The following SHOC1 variants were observed in gnomAD, a reference collection of about 807,000 sequenced individuals.
SHOC1 encodes protein shortage in chiasmata 1 ortholog.
A neutral mutation model predicts 179.2 loss-of-function variants in SHOC1; 136 were observed. The observed-to-expected ratio is 0.76, with a 90% CI of 0.66 to 0.87. The LOEUF (loss-of-function observed/expected upper bound fraction) is 0.87, where lower values mean the gene tolerates loss of function less well. SHOC1 is among the 40% of genes least tolerant of loss of function. The pLI is 0.00. For missense variants in SHOC1, 1,538 were observed against 1,700.8 expected (o/e 0.90, Z 1.68); for synonymous variants, 489 against 586.6 (o/e 0.83, Z 2.41).
At chr9:111,773,054 C>A (rs556510839) in intron 5 of SHOC1, among the ~76,000 whole-genome samples, 5 of 152,028 alleles carry the variant, frequency 3.3e-5, no homozygotes, top group Admixed American at 2.0e-4. Context: ...ATTCTCCTAC[C>A]GTCTGCTTGA....
chr9:111,791,331 T>A, intron 2 of SHOC1, 43 bp downstream of exon 2: 6 of 1,182,568 alleles, frequency 5.1e-6, no homozygotes, highest in Non-Finnish European at 6.9e-6. Context: ...ACTTCTTACA[T>A]CATAATTCTC....
intron 11 of SHOC1, among the ~76,000 whole-genome samples, chr9:111,740,498 A>T (rs1326810193): frequency 6.6e-6 from 1 of 152,254 alleles, no homozygotes; most frequent in Non-Finnish European, 1.5e-5. Flanking sequence ...TAACTTACTC[A>T]GATAAATTTT....
intron 11 of SHOC1, among the ~76,000 whole-genome samples, chr9:111,740,440 C>T (rs1833982384): frequency 1.3e-5 from 2 of 152,146 alleles, no homozygotes; most frequent in African/African-American, 2.4e-5. Context: ...AATACCTTAT[C>T]CAAAGTTCCA....
chr9:111,794,182 G>T (rs1183013641), intron 1 of SHOC1, among the ~76,000 whole-genome samples: 1 of 151,550 alleles, frequency 6.6e-6, no homozygotes, highest in African/African-American at 2.4e-5. Context: ...ACTCACAGGT[G>T]AGTGTGAATC....
At chr9:111,696,546 T>C (rs1275006732) in intron 24 of SHOC1, among the ~76,000 whole-genome samples, 12 of 152,192 alleles carry the variant, frequency 7.9e-5, no homozygotes, top group Admixed American at 5.9e-4. Flanking sequence ...TAGATTATTA[T>C]GTAAAACCTG....
intron 13 of SHOC1, among the ~76,000 whole-genome samples, chr9:111,724,655 C>G (rs868488332): frequency 5.9e-5 from 9 of 152,018 alleles, no homozygotes; most frequent in South Asian, 4.1e-4. Flanking sequence ...CTGACCTGGG[C>G]CTAGTCTTAC....
At chr9:111,783,537 T>C (rs1836155736) in intron 3 of SHOC1, 1 of 152,246 alleles carries the variant, frequency 6.6e-6, no homozygotes, top group South Asian at 2.1e-4. Flanking sequence ...TCTCGCTTCT[T>C]AGGTAACTCC....
Position 111,727,799 on chromosome 9 carries a change from T to C in SHOC1, c.1668A>G (p.Gly556=). 6.2e-7 allele frequency: 1 copy of C among 1,613,330 alleles called. No individual in the cohort carries two copies. The highest frequency in any genetic ancestry group is 1.1e-5 in the South Asian group (1 of 90,910). ...AAGAGGAAGGTGATTTAATAGATGG[T>C]CCTGTGCAGTCAAGTTCAAAGTGAT... ...NNDHFELDCT[G]PSIKSPSSSI... Residue 556 remains glycine, a synonymous_variant, in exon 13 of 28, where the codon GGA becomes GGG. Transcript: ENST00000682961.
intron 13 of SHOC1, among the ~76,000 whole-genome samples, chr9:111,724,116 G>A (rs1833192179): frequency 6.6e-6 from 1 of 152,028 alleles, no homozygotes. Flanking sequence ...AAAACCTTTG[G>A]TATCAGATCA....
intron 12 of SHOC1, 42 bp from the exon 13 acceptor site, chr9:111,728,091 T>A (rs776733664): frequency 5.1e-6 from 7 of 1,359,436 alleles, no homozygotes; most frequent in Non-Finnish European, 6.0e-6. Flanking sequence ...CTTCCACACC[T>A]AAACGAGTGT....
At chr9:111,762,269 A>G (rs1224911329) in intron 5 of SHOC1, among the ~76,000 whole-genome samples, 1 of 152,074 alleles carries the variant, frequency 6.6e-6, no homozygotes, top group African/African-American at 2.4e-5. Context: ...GTCTCTACAA[A>G]AAAATTAAAA....
At chr9:111,778,420 G>A (rs1413804768) in intron 4 of SHOC1, among the ~76,000 whole-genome samples, 3 of 152,126 alleles carry the variant, frequency 2.0e-5, no homozygotes, top group African/African-American at 7.2e-5. Flanking sequence ...GAGCTTATCT[G>A]CTAAAAGGAA....
chr9:111,762,157 C>T (rs1194648745), intron 5 of SHOC1, among the ~76,000 whole-genome samples: 2 of 152,032 alleles, frequency 1.3e-5, no homozygotes, highest in African/African-American at 4.8e-5. Context: ...TTGTCTAGCA[C>T]GGTGGCTCAC....
At chr9:111,785,863 T>A in intron 3 of SHOC1, 49 bp downstream of exon 3, 1 of 1,386,632 alleles carries the variant, frequency 7.2e-7, no homozygotes, top group African/African-American at 1.5e-5. Context: ...TGTGCTAAAC[T>A]CTGAAATGGC....
intron 5 of SHOC1, among the ~76,000 whole-genome samples, chr9:111,760,871 T>C (rs1477735616): frequency 1.3e-5 from 2 of 151,808 alleles, no homozygotes; most frequent in Non-Finnish European, 2.9e-5. Flanking sequence ...AGGTCTGTTT[T>C]AGAACTTGGA....
intron 5 of SHOC1, among the ~76,000 whole-genome samples, chr9:111,760,836 T>C (rs1307141613): frequency 6.6e-6 from 1 of 151,818 alleles, no homozygotes; most frequent in Non-Finnish European, 1.5e-5. Flanking sequence ...GGTAAAATTT[T>C]AAAGGATCCC....
chr9:111,766,598 G>A (rs910927913), intron 5 of SHOC1, among the ~76,000 whole-genome samples: 1 of 150,362 alleles, frequency 6.7e-6, no homozygotes, highest in Non-Finnish European at 1.5e-5. Flanking sequence ...ATTTCATTGT[G>A]TTTTTTTTTG....
At chr9:111,722,755 AAACT>A (rs1833122745) in intron 14 of SHOC1, among the ~76,000 whole-genome samples, 170 bp from the exon 15 acceptor site, 1 of 152,210 alleles carries the variant, frequency 6.6e-6, no homozygotes. Flanking sequence ...TATTCTAAAT[AAACT>A]AATAAAAACA....
chr9:111,691,426 C>T (rs576778913), intron 27 of SHOC1, 125 bp downstream of exon 27: 19 of 808,828 alleles, frequency 2.3e-5, no homozygotes, highest in African/African-American at 3.5e-5. Flanking sequence ...CTCTTTTACC[C>T]AACAGTTATT....
Sources: gnomAD v4.1 joint callset for allele counts (sites outside exome capture counted in the v4.1 genomes callset) on GRCh38, gnomAD v4.1.1 for gene constraint, MANE v1.5 for transcripts, NCBI Gene and HGNC (gene_info 2026-07-23, HGNC 2026-07-21) for gene names.